TPO: variants seen among roughly 807,000 people sequenced by gnomAD.
TPO encodes the protein thyroid peroxidase.
Under a neutral mutation model 96.9 loss-of-function variants are expected in TPO, and 78 were observed. The observed-to-expected ratio is 0.81, with a 90% CI of 0.67 to 0.97. The LOEUF is 0.97. TPO is among the 50% of genes least tolerant of loss of function. TPO has a pLI of 0.00. For missense variants in TPO, 1,252 were observed against 1,274.8 expected, an observed-to-expected ratio of 0.98 and a Z score of 0.27; for synonymous variants, 547 against 538.0, an observed-to-expected ratio of 1.02 and a Z score of -0.23.
intron 5 of TPO, among the ~76,000 whole-genome samples, chr2:1,437,871 C>T (rs192401386): frequency 1.3e-5 from 2 of 152,108 alleles, no homozygotes; most frequent in Non-Finnish European, 2.9e-5. Context: ...GAAGTGGGCT[C>T]AGAGGTGGAG....
intron 14 of TPO, among the ~76,000 whole-genome samples, chr2:1,506,602 T>A (rs545512441): frequency 2.0e-5 from 3 of 152,330 alleles, no homozygotes; most frequent in African/African-American, 7.2e-5. Flanking sequence ...GGTATCTCAT[T>A]GTGGTTTTGA....
intron 1 of TPO, among the ~76,000 whole-genome samples, chr2:1,404,830 T>G (rs1662225016): frequency 6.6e-6 from 1 of 152,238 alleles, no homozygotes; most frequent in Admixed American, 6.5e-5. Flanking sequence ...CTATTGAATT[T>G]ATCACAAAAA....
rs138345981 is a variant in TPO, at chr2:1,492,445, G to A, written c.1769-1357G>A. Among the ~76,000 whole-genome samples, 545 of 152,292 alleles carry A rather than the reference G, an allele frequency of 3.6e-3. 7 individuals are homozygous for A. Among genetic ancestry groups the A allele is most frequent in the African/African-American group, 0.013 (524 of 41,558 alleles). ...GCTGGGATTACAGGCATGAGCCACC[G>A]CACCTGGCCTCTAGAAGCGCAGATT... On this transcript the variant is annotated intron_variant, in intron 10 of 16. Coordinates refer to ENST00000329066, the MANE Select transcript of TPO (RefSeq NM_001206744.2).
chr2:1,499,683 T>A (rs1010101800), intron 13 of TPO, among the ~76,000 whole-genome samples: 3 of 152,104 alleles, frequency 2.0e-5, no homozygotes, highest in African/African-American at 4.8e-5. Flanking sequence ...GAATCCACAC[T>A]CTTCACAAGA....
intron 1 of TPO, among the ~76,000 whole-genome samples, chr2:1,396,846 C>T (rs962069660): frequency 6.6e-6 from 1 of 152,072 alleles, no homozygotes; most frequent in African/African-American, 2.4e-5. Context: ...GGAAAACATG[C>T]AATTTTAAAA....
chr2:1,497,991 CAAAA>C lies in TPO; in HGVS notation c.2386+1244_2386+1247del, dbSNP rs543921082. Among the ~76,000 whole-genome samples, 740 of 87,268 alleles carry C rather than the reference CAAAA, an allele frequency of 8.5e-3. 8 individuals are homozygous for C. Among genetic ancestry groups the C allele is most frequent in the African/African-American group, 0.033 (705 of 21,148 alleles). The allele number at this position is 87,268 out of a possible 152,430, so 57.3% of individuals were successfully genotyped here. On this transcript the variant is annotated intron_variant, in intron 13 of 16. Transcript: ENST00000329066. ...AGAAAAATAGTGAAACCCCATCTAC[CAAAA>C]AAAAAAAAAAAAAAAAAGTGGCTGG...
intron 8 of TPO, among the ~76,000 whole-genome samples, chr2:1,483,447 T>C (rs766678369): frequency 4.6e-5 from 7 of 152,224 alleles, no homozygotes; most frequent in Non-Finnish European, 1.0e-4. Context: ...AACCAAAGAA[T>C]GTTCCAGGGA....
chr2:1,382,263 T>C (rs1156685646), intron 1 of TPO, among the ~76,000 whole-genome samples: 2 of 152,140 alleles, frequency 1.3e-5, no homozygotes, highest in Non-Finnish European at 2.9e-5. Flanking sequence ...CAAGTATAAA[T>C]GACAACACAG....
At chr2:1,415,028 G>A (rs112549502) in intron 2 of TPO, among the ~76,000 whole-genome samples, 708 of 152,356 alleles carry the variant, frequency 4.6e-3, no homozygotes, top group African/African-American at 0.016. Flanking sequence ...CATGGACACC[G>A]CTGGCCCCGG....
chr2:1,522,021 G>GC (rs1675325450), intron 15 of TPO, among the ~76,000 whole-genome samples: 1 of 152,148 alleles, frequency 6.6e-6, no homozygotes, highest in African/African-American at 2.4e-5. Context: ...CCACTTCTGA[G>GC]CAAGTATAGG....
intron 9 of TPO, 121 bp downstream of exon 9, chr2:1,484,975 G>A: frequency 6.9e-7 from 1 of 1,451,612 alleles, no homozygotes; most frequent in Non-Finnish European, 9.3e-7. Flanking sequence ...GTTACGTAGG[G>A]TATACATGTG....
At chr2:1,501,474 C>T (rs80330163) in intron 13 of TPO, among the ~76,000 whole-genome samples, 4,356 of 152,290 alleles carry the variant, frequency 0.029, 125 homozygotes, top group South Asian at 0.13. Flanking sequence ...GCCCCTGACT[C>T]GGCCTTCTGC....
At chr2:1,537,323 CCAACCTCCCCAAATCCTCCACTCTGTT>C (rs1679979722) in intron 15 of TPO, among the ~76,000 whole-genome samples, 1 of 82,750 alleles carries the variant, frequency 1.2e-5, no homozygotes, top group Non-Finnish European at 2.4e-5. Context: ...CCTACTCTGT[CCAACCTCCCCAAATCCTCCACTCTGTT>C]CGACCTCCGC....
At chr2:1,384,756 G>T (rs902366095) in intron 1 of TPO, among the ~76,000 whole-genome samples, 1 of 152,146 alleles carries the variant, frequency 6.6e-6, no homozygotes, top group African/African-American at 2.4e-5. Context: ...ATGTTGAATA[G>T]GAGTGGTGAG....
intron 3 of TPO, among the ~76,000 whole-genome samples, chr2:1,428,702 C>T (rs1036561182): frequency 6.6e-6 from 1 of 152,182 alleles, no homozygotes; most frequent in Non-Finnish European, 1.5e-5. Flanking sequence ...CACCCTTGGC[C>T]TTCAGATCTC....
chr2:1,535,406 C>T (rs1428011893), intron 15 of TPO, among the ~76,000 whole-genome samples: 1 of 89,150 alleles, frequency 1.1e-5, no homozygotes, highest in Non-Finnish European at 2.4e-5. Context: ...GCAACCTCCC[C>T]AAATCCCCCT....
chr2:1,405,388 C>G (rs962536206), intron 1 of TPO, among the ~76,000 whole-genome samples: 1 of 151,712 alleles, frequency 6.6e-6, no homozygotes. Flanking sequence ...CATCCACCCC[C>G]TCATCCATCC....
At chr2:1,502,578 T>C (rs1328006189) in intron 13 of TPO, among the ~76,000 whole-genome samples, 1 of 151,948 alleles carries the variant, frequency 6.6e-6, no homozygotes, top group East Asian at 1.9e-4. Context: ...TTAGTGGAGA[T>C]GGGATTTCAC....
Position 1,484,646 on chromosome 2 carries a change from C to T in TPO, c.1389C>T (p.Phe463=). The part of the protein sequence containing the change: ...YIPRILGPEA[F]QQYVGPYEGY... The stretch of plus-strand genomic sequence containing the variant: ...CCAGGATCCTGGGACCCGAGGCCTT[C>T]CAGCAGTACGTGGGTCCCTATGAAG... The change falls in exon 9 of 17, where the codon TTC becomes TTT. Residue 463 remains phenylalanine, a synonymous_variant. Transcript: ENST00000329066. 1 of 1,614,156 alleles carries T rather than the reference C, an allele frequency of 6.2e-7. No homozygotes were observed. The highest frequency in any genetic ancestry group is 2.2e-5 in the East Asian group (1 of 44,860).
Sources: allele counts gnomAD v4.1 joint callset (sites outside exome capture counted in the v4.1 genomes callset), GRCh38; gene constraint gnomAD v4.1.1; transcripts MANE v1.5; gene names NCBI Gene and HGNC (gene_info 2026-07-23, HGNC 2026-07-21).